The following BSN variants were observed in gnomAD, a reference collection of about 807,000 sequenced individuals.
BSN encodes the protein bassoon presynaptic cytomatrix protein.
In BSN, 57 loss-of-function variants were observed where a neutral mutation model predicts 264.8. The observed-to-expected ratio is 0.22, with a 90% CI of 0.17 to 0.27. The LOEUF (loss-of-function observed/expected upper bound fraction) is 0.27. BSN is among the 10% of genes least tolerant of loss of function. BSN has a pLI of 1.00. For synonymous variants in BSN, 2,059 were observed against 2,137.3 expected (o/e 0.96, Z 1.01); for missense variants, 4,615 against 5,232.5 (o/e 0.88, Z 3.64).
chr3:49,606,879 G>A lies in BSN; in HGVS notation c.225-18096G>A, dbSNP rs533798278. ...ACCTGTAATCCCAGCACTTTGGGAG[G>A]CCGAGGCGGGCGGATCACCTGAGGT... On this transcript the variant is annotated intron_variant, in intron 1 of 11. Transcript: ENST00000296452. 2.6e-5 allele frequency among the ~76,000 whole-genome samples: 4 copies of A among 152,298 alleles called. No individual in the cohort carries two copies. The South Asian group carries it at 8.3e-4, about 32-fold the overall frequency.
At position 49,655,026 on chromosome 3, in the gene BSN, GCCCA is replaced by G. The variant is rs2052584322; in HGVS notation, c.5471_5474del (p.Ala1824GlyfsTer51). 6.2e-7 allele frequency: 1 copy of G among 1,613,060 alleles called. No individual in the cohort carries two copies. Among genetic ancestry groups the G allele is most frequent in the South Asian group, 1.1e-5 (1 of 91,078 alleles). ...CGTTTTGATCACTCAGATGGGCACCGCCCAGAGCATTGGCCTCAAGCCAGGCCCA... is the reference window on the plus strand; with the variant it reads ...CGTTTTGATCACTCAGATGGGCACCGGAGCATTGGCCTCAAGCCAGGCCCA... On this transcript the variant is annotated frameshift_variant, in exon 5 of 12. Transcript: ENST00000296452. LOFTEE classifies it high-confidence loss of function.
intron 2 of BSN, among the ~76,000 whole-genome samples, chr3:49,627,086 A>G (rs1331146120): frequency 1.3e-5 from 2 of 152,264 alleles, no homozygotes; most frequent in Non-Finnish European, 2.9e-5. Context: ...CTTCAGATCC[A>G]TAGTGTTTGG....
rs138648341 is a variant in BSN, at chr3:49,563,396, A to G, written c.224+8570A>G. ...TTATCTCCTGAGTGTTGTTCCACCTACTTCCTACAGGTGCTCTGGCAGCAG... is the reference window on the plus strand; with the variant it reads ...TTATCTCCTGAGTGTTGTTCCACCTGCTTCCTACAGGTGCTCTGGCAGCAG... On this transcript the variant is annotated intron_variant, in intron 1 of 11. Transcript: ENST00000296452. 8.3e-3 allele frequency among the ~76,000 whole-genome samples: 1,265 copies of G among 152,142 alleles called. 14 individuals are homozygous for G. The highest frequency in any genetic ancestry group is 0.012 in the Non-Finnish European group (809 of 67,988).
rs762720314 is a variant in BSN at position 49,660,633 on chromosome 3, C to A, written c.8788C>A (p.Pro2930Thr). Residue 2930 changes from proline (P) to threonine (T), a missense_variant, in exon 6 of 12, where the codon CCC (proline) becomes ACC (threonine). Physicochemically the swap from Pro to Thr is conservative, Grantham distance 38. This residue lies in a region of BSN where 3,415 missense variants were observed against 3,866.4 expected (regional missense o/e 0.88). Transcript: ENST00000296452. This position sits in a 1 kb window ranked among gnomAD's most constrained non-coding sequence, Gnocchi z 7.1. ...ASLLQRGLTGPTTVPATKASL... is the reference protein window; with the variant it reads ...ASLLQRGLTGTTTVPATKASL... ...CCTGCTGCAGCGAGGGCTGACGGGG[C>A]CCACCACTGTCCCTGCTACCAAGGC... is the stretch of plus-strand genomic sequence containing the variant. The A allele has an allele frequency of 3.7e-6, 6 of 1,613,058 alleles. No individual in the cohort carries two copies. The highest frequency in any genetic ancestry group is 5.1e-6 in the Non-Finnish European group (6 of 1,179,924).
intron 1 of BSN, among the ~76,000 whole-genome samples, chr3:49,575,312 G>A (rs780222767): frequency 6.6e-6 from 1 of 151,376 alleles, no homozygotes; most frequent in African/African-American, 2.4e-5. Context: ...CGAGATCGCA[G>A]CACTGCACTC....
chr3:49,560,705 AG>A (rs1441388984), intron 1 of BSN, among the ~76,000 whole-genome samples: 1 of 152,104 alleles, frequency 6.6e-6, no homozygotes, highest in African/African-American at 2.4e-5. Flanking sequence ...CCTTTTCTGG[AG>A]GGACCTCTGC....
At chr3:49,595,154 G>A (rs1487314259) in intron 1 of BSN, among the ~76,000 whole-genome samples, 1 of 151,026 alleles carries the variant, frequency 6.6e-6, no homozygotes, top group African/African-American at 2.4e-5. Context: ...CTCCCAAAGT[G>A]CTGGGATTAC....
intron 2 of BSN, among the ~76,000 whole-genome samples, chr3:49,631,112 A>T (rs979934356): frequency 1.3e-5 from 2 of 152,120 alleles, no homozygotes; most frequent in Non-Finnish European, 2.9e-5. Flanking sequence ...GTAGAAATGA[A>T]GCAGATGTGC....
At position 49,589,918 on chromosome 3, in the gene BSN, A is replaced by T. The variant is rs566530410; in HGVS notation, c.225-35057A>T. On this transcript the variant is annotated intron_variant, in intron 1 of 11. Transcript: ENST00000296452. The stretch of plus-strand genomic sequence containing the variant: ...AGTGGCGCAATCTCAGCTCACTGCA[A>T]CCTCCGCCTCCCAGGTTCAAGTGAT... Among the ~76,000 whole-genome samples the T allele has an allele frequency of 2.0e-5, 3 of 149,412 alleles. No homozygotes were observed. In the South Asian group the frequency reaches 6.4e-4, roughly 32 times the overall value.
intron 1 of BSN, among the ~76,000 whole-genome samples, chr3:49,613,802 C>G (rs140902313): frequency 2.0e-5 from 3 of 151,952 alleles, no homozygotes; most frequent in African/African-American, 7.3e-5. Flanking sequence ...ACCGCCATGC[C>G]CAGCTGTAGT....
At chr3:49,629,089 C>A (rs542707779) in intron 2 of BSN, among the ~76,000 whole-genome samples, 2 of 152,296 alleles carry the variant, frequency 1.3e-5, no homozygotes, top group South Asian at 4.1e-4. Context: ...GAGGTGTTAG[C>A]ATTCAGTCCT....
chr3:49,624,302 T>C (rs1030664712), intron 1 of BSN, among the ~76,000 whole-genome samples: 2 of 106,750 alleles, frequency 1.9e-5, no homozygotes, highest in African/African-American at 7.1e-5. Flanking sequence ...TGCCCAGCCT[T>C]TTTTTTTTTT....
chr3:49,662,013 C>T lies in BSN; in HGVS notation c.10168C>T (p.Pro3390Ser), dbSNP rs767551250. The change falls in exon 6 of 12, where the codon CCA becomes TCA. Residue 3390 changes from proline to serine, a missense_variant. Around this residue, in one of 3 missense-constraint regions of BSN, gnomAD observed 3,415 missense variants for 3,866.4 expected, o/e 0.88. Coordinates refer to ENST00000296452, the MANE Select transcript of BSN (RefSeq NM_003458.4). ...AGAGTCAGACCTGGCGTCCTACCCC[C>T]CACCTGCAGTCAGCAGCAGCCTGGT... ...DVESDLASYP[P>S]PAVSSSLVSR... 5.0e-6 allele frequency: 8 copies of T among 1,613,778 alleles called. No individual in the cohort carries two copies. The highest frequency in any genetic ancestry group is 2.2e-5 in the East Asian group (1 of 44,904).
At position 49,657,204 on chromosome 3, in the gene BSN, C is replaced by G. The variant is rs150764510; in HGVS notation, c.7648C>G (p.Arg2550Gly). ...AACGGAGGAGCAGTGGGAGGCCAGC[C>G]GTAGTGGCATCAAGAAGCGGCACTC... ...LQTEEQWEAS[R>G]SGIKKRHSMP... is the part of the protein sequence containing the mutation. Residue 2550 changes from arginine to glycine, a missense_variant, in exon 5 of 12, where the codon CGT (arginine) becomes GGT (glycine). Arg to Gly is a moderately radical substitution (Grantham distance 125, BLOSUM62 -2). Transcript: ENST00000296452. The G allele has an allele frequency of 2.5e-5, 40 of 1,613,270 alleles. No individual in the cohort carries two copies. Among genetic ancestry groups the G allele is most frequent in the Non-Finnish European group, 2.9e-5 (34 of 1,180,046 alleles).
At chr3:49,604,516 TCATC>T (rs1220539614) in intron 1 of BSN, among the ~76,000 whole-genome samples, 1 of 152,214 alleles carries the variant, frequency 6.6e-6, no homozygotes, top group Non-Finnish European at 1.5e-5. Context: ...TCTTGAAGGT[TCATC>T]CATATTGTAG....
rs372819667 is a variant in BSN at position 49,642,742 on chromosome 3, G to A, written c.1108G>A (p.Glu370Lys). ...GAGCACCCTCATGTCTGTGCAGCCC[G>A]AGGCTGACACCCAGGGCCAGCCTGC... ...QASTLMSVQP[E>K]ADTQGQPAPS... is the part of the protein sequence containing the mutation. The change falls in exon 3 of 12, where the codon GAG becomes AAG. Residue 370 changes from glutamate to lysine, a missense_variant. Physicochemically the swap from Glu to Lys is moderately conservative, Grantham distance 56. Transcript: ENST00000296452. This position sits in a 1 kb window ranked among gnomAD's most constrained non-coding sequence, Gnocchi z 7.0. 9.3e-6 allele frequency: 15 copies of A among 1,613,392 alleles called. No individual in the cohort carries two copies. The highest frequency in any genetic ancestry group is 2.7e-5 in the African/African-American group (2 of 74,950).
rs776632829 is a variant in BSN at position 49,656,372 on chromosome 3, T to C, written c.6816T>C (p.Ser2272=). ...CAAGTAGATTTCCCATTGCTTCCAG[T>C]GTTCCACCTGCAGAAGGGCCTGTCT... ...PAPSRFPIAS[S]VPPAEGPVYL... Residue 2272 remains serine, a synonymous_variant, in exon 5 of 12, where the codon AGT becomes AGC. Transcript: ENST00000296452. The C allele has an allele frequency of 3.1e-6, 5 of 1,599,714 alleles. No homozygotes were observed. The highest frequency in any genetic ancestry group is 1.1e-5 in the South Asian group (1 of 88,850).
At chr3:49,557,798 C>A (rs2051685379) in intron 1 of BSN, among the ~76,000 whole-genome samples, 1 of 152,130 alleles carries the variant, frequency 6.6e-6, no homozygotes, top group South Asian at 2.1e-4. Context: ...ATCTCCTAAC[C>A]TTGTGATCTA....
chr3:49,622,563 A>G (rs2052314388), intron 1 of BSN, among the ~76,000 whole-genome samples: 1 of 152,370 alleles, frequency 6.6e-6, no homozygotes, highest in South Asian at 2.1e-4. Flanking sequence ...ACACAAATAC[A>G]ATAGAAATGG....
Sources: gnomAD v4.1 joint callset for allele counts (sites outside exome capture counted in the v4.1 genomes callset) on GRCh38, gnomAD v4.1.1 for gene constraint, gnomAD v4.1.1 regional missense constraint, Gnocchi (gnomAD v3.1) non-coding constraint, MANE v1.5 for transcripts, NCBI Gene and HGNC (gene_info 2026-07-23, HGNC 2026-07-21) for gene names.